The following TIMELESS variants were observed in gnomAD, a reference collection of about 807,000 sequenced individuals.
TIMELESS encodes protein timeless homolog.
In TIMELESS, 124 loss-of-function variants were observed where a neutral mutation model predicts 164.3. The observed-to-expected ratio is 0.75, with a 90% CI of 0.65 to 0.88. The LOEUF (loss-of-function observed/expected upper bound fraction) is 0.88. TIMELESS is among the 40% of genes least tolerant of loss of function. The pLI is 0.00. For missense variants in TIMELESS, 1,422 were observed against 1,491.4 expected (o/e 0.95, Z 0.77); for synonymous variants, 564 against 563.4 (o/e 1.00, Z -0.02).
At chr12:56,438,166 G>A (rs551590766) in intron 1 of TIMELESS, among the ~76,000 whole-genome samples, 2 of 151,968 alleles carry the variant, frequency 1.3e-5, no homozygotes, top group East Asian at 3.9e-4. Context: ...CTGCCTCAGC[G>A]TCCCAAGTAG....
In TIMELESS at chr12:56,421,460, G is replaced by A. The variant is rs772798510; in HGVS notation, c.2759C>T (p.Ala920Val). 15 of 1,614,028 alleles carry A rather than the reference G, an allele frequency of 9.3e-6. No individual in the cohort carries two copies. Among genetic ancestry groups the A allele is most frequent in the Non-Finnish European group, 1.2e-5 (14 of 1,179,960 alleles). Residue 920 changes from alanine to valine, a missense_variant, in exon 23 of 29, where the codon GCC becomes GTC. Physicochemically the swap from Ala to Val is moderately conservative, Grantham distance 64 (BLOSUM62 0). Coordinates refer to ENST00000553532, the MANE Select transcript of TIMELESS (RefSeq NM_003920.5). ...CACTATTCGGGCCCGTGAGCGTTTG[G>A]CTGTGATATTCTTCATGATATGACC... ...VLGHIMKNITAKRSRARIVDK... is the reference protein window; with the variant it reads ...VLGHIMKNITVKRSRARIVDK...
Position 56,433,391 on chromosome 12 carries a change from A to C in TIMELESS, c.419T>G (p.Leu140Arg), listed in dbSNP as rs1192332594. The C allele has an allele frequency of 1.7e-5, 27 of 1,614,088 alleles. No individual in the cohort carries two copies. The highest frequency in any genetic ancestry group is 2.2e-5 in the Non-Finnish European group (26 of 1,180,040). The change falls in exon 5 of 29, where the codon CTG becomes CGG. Residue 140 changes from leucine (L) to arginine (R), a missense_variant. Transcript: ENST00000553532. ...FGVLSETLYE[L>R]LQLGWEERQE... Reference sequence around the variant, plus strand: ...TGAAGACTCACTCACCAGCTGCAGCAGCTCATACAAGGTTTCACTGAGGAC... The same window carrying C: ...TGAAGACTCACTCACCAGCTGCAGCCGCTCATACAAGGTTTCACTGAGGAC...
chr12:56,430,636 A>G (rs1244233463), intron 9 of TIMELESS, among the ~76,000 whole-genome samples: 1 of 152,096 alleles, frequency 6.6e-6, no homozygotes, highest in Admixed American at 6.6e-5. Flanking sequence ...CAAAGTGTTA[A>G]GATTACAGGC....
rs1465814075 is a variant in TIMELESS, at chr12:56,433,364, G to A, written c.429+17C>T. 6.2e-7 allele frequency: 1 copy of A among 1,613,784 alleles called. No individual in the cohort carries two copies. Among genetic ancestry groups the A allele is most frequent in the Non-Finnish European group, 8.5e-7 (1 of 1,179,798 alleles). On this transcript the variant is annotated intron_variant, in intron 5 of 28. Transcript: ENST00000553532. ...AATGCTGTCCCATGGTATCCTGTAA[G>A]GTGAAGACTCACTCACCAGCTGCAG...
Position 56,430,168 on chromosome 12 carries a change from G to C in TIMELESS, c.1023C>G (p.Phe341Leu), listed in dbSNP as rs781719755. Residue 341 changes from phenylalanine (F) to leucine (L), a missense_variant, in exon 10 of 29, where the codon TTC becomes TTG. Coordinates refer to ENST00000553532, the MANE Select transcript of TIMELESS (RefSeq NM_003920.5). Reference sequence around the variant, plus strand: ...GGAACTCAGAGCAGAAGTCTCTGAGGAAGAGCCTCACATTGAGGGCAGAAC... The same window carrying C: ...GGAACTCAGAGCAGAAGTCTCTGAGCAAGAGCCTCACATTGAGGGCAGAAC... The part of the protein sequence containing the change: ...QRRSALNVRL[F>L]LRDFCSEFLE... 9 of 1,614,092 alleles carry C rather than the reference G, an allele frequency of 5.6e-6. No individual in the cohort carries two copies. The highest frequency in any genetic ancestry group is 7.6e-6 in the Non-Finnish European group (9 of 1,180,006).
intron 13 of TIMELESS, among the ~76,000 whole-genome samples, chr12:56,425,921 G>C (rs117907574): frequency 1.4e-3 from 218 of 152,036 alleles, no homozygotes; most frequent in Admixed American, 3.3e-3. Flanking sequence ...AAAAGCAGGA[G>C]AGTGAGTCAA....
At chr12:56,422,342 TC>T in intron 19 of TIMELESS, 151 bp from the exon 20 acceptor site, 2 of 626,330 alleles carry the variant, frequency 3.2e-6, no homozygotes. Context: ...TGTGCCTCCT[TC>T]CCCTCACTTT....
In TIMELESS at chr12:56,423,002, AAGG is replaced by A; in HGVS notation, c.2293-13_2293-11del. 2 of 1,611,960 alleles carry A rather than the reference AAGG, an allele frequency of 1.2e-6. No homozygotes were observed. Among genetic ancestry groups the A allele is most frequent in the South Asian group, 1.1e-5 (1 of 90,756 alleles). On this transcript the variant is annotated splice_polypyrimidine_tract_variant and intron_variant, in intron 18 of 28. Coordinates refer to ENST00000553532, the MANE Select transcript of TIMELESS (RefSeq NM_003920.5). The stretch of plus-strand genomic sequence containing the variant: ...CAAAAGTCACTAGCTCCTGTAGGAG[AAGG>A]AGGTTACTATGAGGCCTCTCTGGTC...
chr12:56,440,503 G>A (rs923089949), intron 1 of TIMELESS, among the ~76,000 whole-genome samples: 1 of 152,114 alleles, frequency 6.6e-6, no homozygotes, highest in Admixed American at 6.6e-5. Context: ...CTGCTCCAAG[G>A]ATCCTCTTTG....
intron 1 of TIMELESS, 28 bp from the exon 2 acceptor site, chr12:56,434,259 G>GT: frequency 2.8e-6 from 3 of 1,074,682 alleles, no homozygotes; most frequent in Non-Finnish European, 2.9e-6. Flanking sequence ...GATAAAAAAT[G>GT]TAAGTTCCTC....
At chr12:56,427,398 C>T (rs1809705169) in intron 13 of TIMELESS, among the ~76,000 whole-genome samples, 1 of 152,214 alleles carries the variant, frequency 6.6e-6, no homozygotes. Flanking sequence ...GCTGGGATTA[C>T]AGGCATGAGC....
At position 56,418,193 on chromosome 12, in the gene TIMELESS, T is replaced by C. The variant is rs201660601; in HGVS notation, c.3395A>G (p.Gln1132Arg). ...GGCTAGCAAGAGGGCCCTCAGGGCT[T>C]GTGCTCGGTGCTCTTTACAGTGCTC... ...DEEHCKEHRA[Q>R]ALRALLLAHK... The change falls in exon 27 of 29, where the codon CAA becomes CGA. Residue 1132 changes from glutamine (Q) to arginine (R), a missense_variant. Transcript: ENST00000553532. 5.6e-6 allele frequency: 9 copies of C among 1,614,220 alleles called. No homozygotes were observed. The East Asian group carries it at 1.8e-4, about 32-fold the overall frequency.
chr12:56,433,256 CAG>C (rs924944420), intron 5 of TIMELESS, 123 bp downstream of exon 5: 6 of 1,379,288 alleles, frequency 4.4e-6, no homozygotes, highest in Non-Finnish European at 6.2e-6. Flanking sequence ...CTGAGGCAGC[CAG>C]AGACTATGGA....
chr12:56,430,732 G>T, intron 9 of TIMELESS, 149 bp downstream of exon 9: 1 of 534,462 alleles, frequency 1.9e-6, no homozygotes, highest in South Asian at 3.0e-5. Context: ...TTGAACTTCT[G>T]GGCTCAAGCA....
chr12:56,418,416 T>C (rs550166176), intron 26 of TIMELESS, 57 bp from the exon 27 acceptor site: 2 of 1,255,962 alleles, frequency 1.6e-6, no homozygotes, highest in South Asian at 1.3e-5. Flanking sequence ...TCCCAGAGTA[T>C]GATATTCATT....
At chr12:56,438,924 G>C (rs1882160636) in intron 1 of TIMELESS, among the ~76,000 whole-genome samples, 1 of 151,662 alleles carries the variant, frequency 6.6e-6, no homozygotes, top group African/African-American at 2.4e-5. Flanking sequence ...AGCACTTTTG[G>C]AGGCCAAGGT....
At chr12:56,428,491 T>G in intron 12 of TIMELESS, 58 bp downstream of exon 12, 1 of 1,608,556 alleles carries the variant, frequency 6.2e-7, no homozygotes, top group Non-Finnish European at 8.5e-7. Flanking sequence ...CTGGGAAGAA[T>G]GAGATTCTCA....
intron 1 of TIMELESS, among the ~76,000 whole-genome samples, chr12:56,436,403 G>A (rs1217502500): frequency 3.9e-5 from 6 of 152,104 alleles, no homozygotes; most frequent in Non-Finnish European, 8.8e-5. Context: ...GCAGTAGGCC[G>A]AGATCACGCC....
intron 8 of TIMELESS, 115 bp downstream of exon 8, chr12:56,431,356 A>C: frequency 1.5e-6 from 1 of 669,006 alleles, no homozygotes; most frequent in Non-Finnish European, 1.9e-6. Context: ...TTCTGTCTCA[A>C]AAAAAAAAAA....
Sources: gnomAD v4.1 joint callset for allele counts (sites outside exome capture counted in the v4.1 genomes callset) on GRCh38, gnomAD v4.1.1 for gene constraint, MANE v1.5 for transcripts, NCBI Gene and HGNC (gene_info 2026-07-23, HGNC 2026-07-21) for gene names.